The following RIT2 variants were observed in gnomAD, a reference collection of about 807,000 sequenced individuals.
The protein encoded by RIT2 is Ras like without CAAX 2.
RIT2 carries 24 observed loss-of-function variants against 23.7 expected under a neutral mutation model. The observed-to-expected ratio is 1.01, with a 90% CI of 0.73 to 1.43. The LOEUF is 1.43. Ranked by LOEUF, RIT2 falls within the 40% of genes most tolerant of loss-of-function variation. The pLI is 0.00. For missense variants in RIT2, 236 were observed against 266.9 expected (o/e 0.88, Z 0.81); for synonymous variants, 107 against 91.1 (o/e 1.17, Z -0.99).
At chr18:42,825,814 A>C (rs1906279150) in intron 4 of RIT2, among the ~76,000 whole-genome samples, 1 of 151,980 alleles carries the variant, frequency 6.6e-6, no homozygotes, top group South Asian at 2.1e-4. Flanking sequence ...TTTGGCTAGA[A>C]TACCCTTTGA....
intron 4 of RIT2, among the ~76,000 whole-genome samples, chr18:42,790,301 G>A (rs1404339762): frequency 6.6e-6 from 1 of 152,062 alleles, no homozygotes; most frequent in Non-Finnish European, 1.5e-5. Context: ...AATAACACCC[G>A]ACTGAGCAGA....
intron 4 of RIT2, among the ~76,000 whole-genome samples, chr18:42,770,233 C>A (rs1372086388): frequency 6.6e-6 from 1 of 152,144 alleles, no homozygotes. Flanking sequence ...ATAGTTTGGA[C>A]CAGTGTCAAT....
intron 4 of RIT2, among the ~76,000 whole-genome samples, chr18:42,889,908 C>T (rs1908125278): frequency 6.6e-6 from 1 of 152,050 alleles, no homozygotes; most frequent in African/African-American, 2.4e-5. Context: ...TTTAACCAGA[C>T]TTGTCCTTGT....
chr18:42,886,158 GT>G (rs1908017609), intron 4 of RIT2, among the ~76,000 whole-genome samples: 1 of 152,154 alleles, frequency 6.6e-6, no homozygotes, highest in Non-Finnish European at 1.5e-5. Context: ...GCTGATTAAA[GT>G]ATACATTTTT....
chr18:42,764,049 G>A (rs1034229756), intron 4 of RIT2, among the ~76,000 whole-genome samples: 1 of 152,148 alleles, frequency 6.6e-6, no homozygotes, highest in Admixed American at 6.5e-5. Flanking sequence ...CTGGGTATAA[G>A]GTGAGTGACA....
chr18:42,967,386 T>G (rs1331292960), intron 3 of RIT2, among the ~76,000 whole-genome samples: 2 of 152,062 alleles, frequency 1.3e-5, no homozygotes, highest in Non-Finnish European at 2.9e-5. Context: ...TGTTGTTGTT[T>G]TGAGACAGAG....
At chr18:42,989,284 G>A (rs1057266846) in intron 2 of RIT2, among the ~76,000 whole-genome samples, 4 of 152,148 alleles carry the variant, frequency 2.6e-5, no homozygotes, top group African/African-American at 7.2e-5. Flanking sequence ...TGGTTAAAAT[G>A]CAGATTCTGA....
At chr18:42,978,658 A>G (rs952664946) in intron 2 of RIT2, among the ~76,000 whole-genome samples, 1 of 152,164 alleles carries the variant, frequency 6.6e-6, no homozygotes, top group Non-Finnish European at 1.5e-5. Flanking sequence ...AGAAAAGCAC[A>G]CTAGGACTGC....
intron 4 of RIT2, among the ~76,000 whole-genome samples, chr18:42,913,218 T>C (rs1908817072): frequency 6.7e-6 from 1 of 148,772 alleles, no homozygotes; most frequent in African/African-American, 2.5e-5. Context: ...AACAAATTTA[T>C]ACAAAAAAAA....
At chr18:42,888,022 A>G (rs1168389714) in intron 4 of RIT2, among the ~76,000 whole-genome samples, 1 of 152,078 alleles carries the variant, frequency 6.6e-6, no homozygotes, top group East Asian at 1.9e-4. Context: ...AGAATGAATA[A>G]TCAGTGCACA....
intron 2 of RIT2, among the ~76,000 whole-genome samples, chr18:42,993,942 C>T (rs944043923): frequency 5.9e-5 from 9 of 152,048 alleles, no homozygotes; most frequent in African/African-American, 2.2e-4. Flanking sequence ...CTTTTAAAGC[C>T]TATAAACTCT....
At chr18:42,878,120 T>C (rs1273225149) in intron 4 of RIT2, among the ~76,000 whole-genome samples, 1 of 150,566 alleles carries the variant, frequency 6.6e-6, no homozygotes, top group Non-Finnish European at 1.5e-5. Context: ...ATATATAATA[T>C]ATATACACAT....
At chr18:42,889,751 A>T (rs572814007) in intron 4 of RIT2, among the ~76,000 whole-genome samples, 2 of 152,258 alleles carry the variant, frequency 1.3e-5, no homozygotes, top group South Asian at 4.1e-4. Context: ...ACAGAAGATA[A>T]ACATACATAC....
chr18:43,103,093 G>A (rs550054313), intron 1 of RIT2, among the ~76,000 whole-genome samples: 1 of 152,150 alleles, frequency 6.6e-6, no homozygotes, highest in African/African-American at 2.4e-5. Flanking sequence ...GGTCACCAAA[G>A]ATTGTTAATG....
intron 4 of RIT2, among the ~76,000 whole-genome samples, chr18:42,897,405 C>G (rs1908357872): frequency 6.6e-6 from 1 of 152,010 alleles, no homozygotes; most frequent in African/African-American, 2.4e-5. Flanking sequence ...TGATGGTAAA[C>G]AAAATAGATG....
At chr18:42,861,544 T>G (rs1240088341) in intron 4 of RIT2, among the ~76,000 whole-genome samples, 1 of 152,196 alleles carries the variant, frequency 6.6e-6, no homozygotes, top group Admixed American at 6.5e-5. Context: ...CTATGCCCCA[T>G]GGGAGGCAAG....
chr18:42,996,563 C>T (rs927668796), intron 2 of RIT2, among the ~76,000 whole-genome samples: 3 of 152,068 alleles, frequency 2.0e-5, no homozygotes, highest in African/African-American at 4.8e-5. Context: ...AATTCCTTCT[C>T]CTGGCTCACC....
chr18:43,050,087 C>A (rs949677727), intron 1 of RIT2, among the ~76,000 whole-genome samples: 1 of 145,948 alleles, frequency 6.9e-6, no homozygotes, highest in Non-Finnish European at 1.5e-5. Context: ...AGTACAGTGG[C>A]ACAATTATGG....
chr18:42,866,507 G>A lies in RIT2; in HGVS notation c.426+57065C>T, dbSNP rs184217953. On this transcript the variant is annotated intron_variant, in intron 4 of 4. Transcript: ENST00000326695. Reference sequence around the variant, plus strand: ...TCTGATCTATCTCTCCCCAAATCAGGCATCTATTCCCCCATTATTCCTATT... The same window carrying A: ...TCTGATCTATCTCTCCCCAAATCAGACATCTATTCCCCCATTATTCCTATT... Among the ~76,000 whole-genome samples, 9 of 151,810 alleles carry A rather than the reference G, an allele frequency of 5.9e-5. No individual in the cohort carries two copies. In the East Asian group the frequency reaches 1.2e-3, roughly 20 times the overall value.
Sources: allele counts gnomAD v4.1 joint callset (sites outside exome capture counted in the v4.1 genomes callset), GRCh38; gene constraint gnomAD v4.1.1; transcripts MANE v1.5; gene names NCBI Gene and HGNC (gene_info 2026-07-23, HGNC 2026-07-21).